The following HSD17B2 variants were observed in gnomAD, a reference collection of about 807,000 sequenced individuals.
HSD17B2 encodes 17-beta-hydroxysteroid dehydrogenase type 2.
In HSD17B2, 32 loss-of-function variants were observed where a neutral mutation model predicts 26.9. The ratio of observed to expected loss-of-function variants is 1.19; its 90% confidence interval spans 0.90 to 1.60. The LOEUF is 1.60. HSD17B2 is among the 40% of genes most tolerant of loss of function. HSD17B2 has a pLI of 0.00. For synonymous variants in HSD17B2, 246 were observed against 186.7 expected (o/e 1.32, Z -2.59); for missense variants, 613 against 468.6 (o/e 1.31, Z -2.85).
intron 4 of HSD17B2, chr16:82,091,348 G>A (rs1293495215): frequency 5.4e-6 from 2 of 368,874 alleles, no homozygotes; most frequent in African/African-American, 2.1e-5. Context: ...TCCATGCAGA[G>A]GGGCCAGCTG....
chr16:82,080,728 C>T (rs1904355964), intron 3 of HSD17B2, among the ~76,000 whole-genome samples: 1 of 152,106 alleles, frequency 6.6e-6, no homozygotes, highest in Non-Finnish European at 1.5e-5. Context: ...CTTTTTTCTC[C>T]TCAAATTTAA....
At chr16:82,044,980 TG>T (rs1913877005) in intron 1 of HSD17B2, among the ~76,000 whole-genome samples, 1 of 151,960 alleles carries the variant, frequency 6.6e-6, no homozygotes, top group Admixed American at 6.6e-5. Flanking sequence ...TATTAGGGCA[TG>T]GTGGTGTGCA....
chr16:82,068,384 T>A lies in HSD17B2; in HGVS notation c.478+2T>A, dbSNP rs1486504626. 6.2e-7 allele frequency: 1 copy of A among 1,608,252 alleles called. No individual in the cohort carries two copies. Among genetic ancestry groups the A allele is most frequent in the East Asian group, 2.2e-5 (1 of 44,808 alleles). On this transcript the variant is annotated splice_donor_variant, in intron 2 of 4. Coordinates refer to ENST00000199936, the MANE Select transcript of HSD17B2 (RefSeq NM_002153.3). LOFTEE classifies it high-confidence loss of function. ...TTGCAGCAATGCTGCAGGACAGAGG[T>A]ACTGCCGCCAGCACCCTCAGTGCCT...
Position 82,077,868 on chromosome 16 carries a change from T to A in HSD17B2, c.664+6741T>A, listed in dbSNP as rs1904310865. 2.0e-5 allele frequency among the ~76,000 whole-genome samples: 3 copies of A among 152,112 alleles called. No homozygotes were observed. The South Asian group carries it at 6.2e-4, about 32-fold the overall frequency. On this transcript the variant is annotated intron_variant, in intron 3 of 4. Coordinates refer to ENST00000199936, the MANE Select transcript of HSD17B2 (RefSeq NM_002153.3). Reference sequence around the variant, plus strand: ...GCAGAAGGATGAAACTAGATCCCTGTCTCTTACCATATAAAAAAATCAAAT... The same window carrying A: ...GCAGAAGGATGAAACTAGATCCCTGACTCTTACCATATAAAAAAATCAAAT...
intron 4 of HSD17B2, chr16:82,091,696 T>C (rs1012086579): frequency 6.5e-6 from 1 of 153,114 alleles, no homozygotes; most frequent in East Asian, 1.9e-4. Context: ...TGCTGGAGTT[T>C]CGTTAAGTCT....
intron 1 of HSD17B2, among the ~76,000 whole-genome samples, chr16:82,063,558 C>A (rs576432114): frequency 3.7e-4 from 57 of 152,222 alleles, no homozygotes; most frequent in African/African-American, 1.3e-3. Context: ...CAAAAAAAAA[C>A]CTCAGATTTA....
At chr16:82,083,260 C>T (rs188904776) in intron 3 of HSD17B2, among the ~76,000 whole-genome samples, 1 of 152,210 alleles carries the variant, frequency 6.6e-6, no homozygotes, top group Admixed American at 6.5e-5. Flanking sequence ...CATGTCCTTC[C>T]CTCCGGTGTC....
intron 1 of HSD17B2, among the ~76,000 whole-genome samples, chr16:82,049,226 A>G (rs1395013219): frequency 3.9e-5 from 6 of 152,192 alleles, no homozygotes; most frequent in Non-Finnish European, 1.5e-5. Flanking sequence ...GTCAAAACCT[A>G]TAGGGTAGCG....
chr16:82,056,457 G>C (rs535263089), intron 1 of HSD17B2: 3 of 152,098 alleles, frequency 2.0e-5, no homozygotes, highest in Non-Finnish European at 4.4e-5. Context: ...ATGAACAAAA[G>C]AAGCCAGCCA....
At chr16:82,054,709 G>A (rs1914214244) in intron 1 of HSD17B2, among the ~76,000 whole-genome samples, 1 of 152,132 alleles carries the variant, frequency 6.6e-6, no homozygotes. Context: ...CTCCAGAAAT[G>A]TTGCTTTCTC....
intron 1 of HSD17B2, among the ~76,000 whole-genome samples, chr16:82,045,342 A>G (rs994050027): frequency 2.6e-5 from 4 of 152,058 alleles, no homozygotes; most frequent in African/African-American, 9.7e-5. Context: ...AAATGAAGAT[A>G]TTAGACTACT....
chr16:82,043,439 CTTTGGGAGGCCGAGGCGGG>C, intron 1 of HSD17B2, among the ~76,000 whole-genome samples: 1 of 124,298 alleles, frequency 8.0e-6, no homozygotes, highest in Non-Finnish European at 1.5e-5. Context: ...AATCCCAGCA[CTTTGGGAGGCCGAGGCGGG>C]CGGATCACGA....
intron 1 of HSD17B2, among the ~76,000 whole-genome samples, chr16:82,042,866 C>T (rs186734180): frequency 4.1e-4 from 63 of 152,304 alleles, no homozygotes; most frequent in Middle Eastern, 3.4e-3. Flanking sequence ...GCTAATCCAC[C>T]TGCCTCGGCC....
chr16:82,046,830 G>GT (rs1913945093), intron 1 of HSD17B2, among the ~76,000 whole-genome samples: 2 of 152,156 alleles, frequency 1.3e-5, no homozygotes, highest in Admixed American at 1.3e-4. Context: ...AGAAATTGAG[G>GT]TTTTTCAAGA....
intron 4 of HSD17B2, chr16:82,092,144 A>T (rs1904712914): frequency 6.6e-6 from 1 of 152,188 alleles, no homozygotes; most frequent in Non-Finnish European, 1.5e-5. Flanking sequence ...TAAAAGTTTG[A>T]GCAGATAGTC....
intron 3 of HSD17B2, among the ~76,000 whole-genome samples, chr16:82,085,757 A>G (rs999124779): frequency 2.0e-5 from 3 of 152,156 alleles, no homozygotes; most frequent in Non-Finnish European, 2.9e-5. Flanking sequence ...CTGCATGTCT[A>G]TAACTAGTTC....
chr16:82,058,635 T>A (rs538499155), intron 1 of HSD17B2, among the ~76,000 whole-genome samples: 1 of 152,266 alleles, frequency 6.6e-6, no homozygotes, highest in African/African-American at 2.4e-5. Context: ...CAGCTTTGTG[T>A]TGGTTCACAT....
intron 1 of HSD17B2, among the ~76,000 whole-genome samples, chr16:82,049,760 A>G (rs1914049999): frequency 6.6e-6 from 1 of 152,266 alleles, no homozygotes; most frequent in East Asian, 1.9e-4. Flanking sequence ...GATAGACTTC[A>G]GCCAACCACT....
At chr16:82,071,614 G>T (rs1447878345) in intron 3 of HSD17B2, 11 of 254,854 alleles carry the variant, frequency 4.3e-5, no homozygotes, top group Non-Finnish European at 7.7e-5. Context: ...CCTCAATCCA[G>T]CTAGGTCAGG....
Sources: gnomAD v4.1 joint callset for allele counts (sites outside exome capture counted in the v4.1 genomes callset) on GRCh38, gnomAD v4.1.1 for gene constraint, MANE v1.5 for transcripts, NCBI Gene and HGNC (gene_info 2026-07-23, HGNC 2026-07-21) for gene names.